Variants in GRM5 observed in about 807,000 individuals in gnomAD.
GRM5 encodes the protein glutamate metabotropic receptor 5.
In GRM5, 19 loss-of-function variants were observed where a neutral mutation model predicts 83.1. The ratio of observed to expected loss-of-function variants is 0.23; its 90% CI spans 0.16 to 0.34. The LOEUF (loss-of-function observed/expected upper bound fraction) is 0.34. GRM5 is among the 10% of genes least tolerant of loss of function. GRM5 has a pLI of 1.00. For missense variants in GRM5, 1,160 were observed against 1,588.3 expected, an observed-to-expected ratio of 0.73 and a Z score of 4.58; for synonymous variants, 675 against 633.6, an observed-to-expected ratio of 1.07 and a Z score of -0.98.
intron 3 of GRM5, among the ~76,000 whole-genome samples, chr11:88,737,185 A>C (rs149790131): frequency 6.6e-6 from 1 of 152,192 alleles, no homozygotes; most frequent in African/African-American, 2.4e-5. Flanking sequence ...CTCATAAGTT[A>C]CTGCTTCTTA....
intron 3 of GRM5, among the ~76,000 whole-genome samples, chr11:88,765,395 G>A (rs1446519932): frequency 1.1e-4 from 13 of 123,432 alleles, no homozygotes; most frequent in South Asian, 2.9e-4. Flanking sequence ...AAGACAATTT[G>A]AAAAAAAAAA....
chr11:88,533,026 C>G lies in GRM5; in HGVS notation c.2631-7622G>C, dbSNP rs561012644. Among the ~76,000 whole-genome samples the G allele has an allele frequency of 8.5e-4, 129 of 152,208 alleles. 1 individual carries two copies. The highest frequency in any genetic ancestry group is 2.9e-3 in the African/African-American group (120 of 41,530). On this transcript the variant is annotated intron_variant, in intron 8 of 9. Coordinates refer to ENST00000305447, the MANE Select transcript of GRM5 (RefSeq NM_001143831.3). ...TCTGCTTTGTCTGTTACTAAATTTC[C>G]CCAACCCAGACCAAACCCATTCCAA...
At chr11:89,046,000 T>C (rs1342553572) in intron 2 of GRM5, among the ~76,000 whole-genome samples, 1 of 152,172 alleles carries the variant, frequency 6.6e-6, no homozygotes, top group Non-Finnish European at 1.5e-5. Context: ...TCTCCATCAA[T>C]TTCCTTTAGA....
intron 9 of GRM5, among the ~76,000 whole-genome samples, chr11:88,519,089 T>C (rs943666694): frequency 1.3e-5 from 2 of 150,516 alleles, no homozygotes; most frequent in African/African-American, 4.9e-5. Flanking sequence ...AGAGTTTAGC[T>C]AGACTAAGAC....
chr11:88,562,479 A>G (rs966218588), intron 8 of GRM5, among the ~76,000 whole-genome samples: 1 of 152,150 alleles, frequency 6.6e-6, no homozygotes, highest in Non-Finnish European at 1.5e-5. Flanking sequence ...GCAGTATTTT[A>G]TGACAATTAG....
chr11:88,904,799 C>T (rs1018792602), intron 2 of GRM5, among the ~76,000 whole-genome samples: 5 of 152,102 alleles, frequency 3.3e-5, no homozygotes, highest in Non-Finnish European at 7.4e-5. Context: ...CAGGTTTACA[C>T]AGTTAGAATG....
chr11:88,999,086 T>C (rs563654209), intron 2 of GRM5, among the ~76,000 whole-genome samples: 1 of 152,200 alleles, frequency 6.6e-6, no homozygotes, highest in African/African-American at 2.4e-5. Flanking sequence ...CAAAAATCAA[T>C]TCAAGACGGA....
intron 3 of GRM5, among the ~76,000 whole-genome samples, chr11:88,744,668 A>G (rs1942096433): frequency 6.6e-6 from 1 of 152,172 alleles, no homozygotes. Context: ...GTCCTACTGC[A>G]CCATGATGCC....
At chr11:88,875,583 T>A (rs1944839747) in intron 2 of GRM5, among the ~76,000 whole-genome samples, 1 of 152,024 alleles carries the variant, frequency 6.6e-6, no homozygotes, top group Non-Finnish European at 1.5e-5. Context: ...GATTTTCAAT[T>A]TACTTTGCAT....
At chr11:88,711,179 A>G (rs1941272182) in intron 3 of GRM5, among the ~76,000 whole-genome samples, 1 of 152,070 alleles carries the variant, frequency 6.6e-6, no homozygotes, top group South Asian at 2.1e-4. Context: ...TTGAATGAAG[A>G]AGGGCTCTGA....
intron 3 of GRM5, among the ~76,000 whole-genome samples, chr11:88,722,828 T>C (rs1941579442): frequency 1.3e-5 from 2 of 152,156 alleles, no homozygotes; most frequent in Non-Finnish European, 2.9e-5. Flanking sequence ...TATTGTAGAA[T>C]AGTTGTTACA....
At position 88,901,489 on chromosome 11, in the gene GRM5, C is replaced by T. The variant is rs527363310; in HGVS notation, c.662-51334G>A. 5.3e-5 allele frequency among the ~76,000 whole-genome samples: 8 copies of T among 152,220 alleles called. No homozygotes were observed. The South Asian group carries it at 1.7e-3, about 32-fold the overall frequency. ...GACATTCCCTGAAGTCGTTTCCAGC[C>T]TTCATGTTCTTTGACCCCAGAAGTA... On this transcript the variant is annotated intron_variant, in intron 2 of 9. Transcript: ENST00000305447.
At chr11:88,638,731 T>A (rs1939209368) in intron 4 of GRM5, among the ~76,000 whole-genome samples, 1 of 152,236 alleles carries the variant, frequency 6.6e-6, no homozygotes, top group South Asian at 2.1e-4. Context: ...TTTCAATGAA[T>A]TTTTTTCATT....
intron 2 of GRM5, among the ~76,000 whole-genome samples, chr11:88,991,961 T>G (rs2135049472): frequency 6.6e-6 from 1 of 152,246 alleles, no homozygotes; most frequent in East Asian, 1.9e-4. Flanking sequence ...GGGCAAGGAC[T>G]TCATGTCTAA....
intron 3 of GRM5, among the ~76,000 whole-genome samples, chr11:88,701,658 A>C (rs1941038762): frequency 6.6e-6 from 1 of 152,176 alleles, no homozygotes; most frequent in South Asian, 2.1e-4. Context: ...TTACAGACAA[A>C]GTCATAAATC....
intron 2 of GRM5, among the ~76,000 whole-genome samples, chr11:88,911,261 C>G (rs1590957915): frequency 6.6e-6 from 1 of 152,096 alleles, no homozygotes; most frequent in Non-Finnish European, 1.5e-5. Flanking sequence ...CATAAGAGAA[C>G]AGATTCATTT....
chr11:88,647,550 C>G (rs12361580), intron 4 of GRM5, among the ~76,000 whole-genome samples: 6,835 of 152,138 alleles, frequency 0.045, 282 homozygotes, highest in African/African-American at 0.11. Context: ...CATAAAAACC[C>G]TAGAAGAAAA....
At chr11:88,718,519 T>C (rs1465134166) in intron 3 of GRM5, among the ~76,000 whole-genome samples, 1 of 151,992 alleles carries the variant, frequency 6.6e-6, no homozygotes, top group Non-Finnish European at 1.5e-5. Context: ...CATATATTAC[T>C]TATATAATTT....
At chr11:88,673,293 G>A (rs1940237952) in intron 3 of GRM5, among the ~76,000 whole-genome samples, 1 of 151,870 alleles carries the variant, frequency 6.6e-6, no homozygotes, top group Non-Finnish European at 1.5e-5. Flanking sequence ...CAAAGAGGCA[G>A]GGTTTTGTGA....
Sources: allele counts gnomAD v4.1 joint callset (sites outside exome capture counted in the v4.1 genomes callset), GRCh38; gene constraint gnomAD v4.1.1; transcripts MANE v1.5; gene names NCBI Gene and HGNC (gene_info 2026-07-23, HGNC 2026-07-21).